LRRC4C: variants seen among roughly 807,000 people sequenced by gnomAD.
LRRC4C encodes leucine-rich repeat-containing protein 4C.
Under a neutral mutation model 33.6 loss-of-function variants are expected in LRRC4C, and 5 were observed. That is an observed-to-expected ratio of 0.15 (90% CI 0.08 to 0.31). The LOEUF (loss-of-function observed/expected upper bound fraction) is 0.31, where lower values mean the gene tolerates loss of function less well. Among genes scored for constraint, LRRC4C ranks in the 10% least tolerant of loss-of-function variants. The pLI is 1.00. For missense variants in LRRC4C, 560 were observed against 796.7 expected (o/e 0.70, Z 3.58); for synonymous variants, 329 against 302.0 (o/e 1.09, Z -0.93).
At chr11:40,958,303 T>C (rs554457170) in intron 1 of LRRC4C, among the ~76,000 whole-genome samples, 2 of 151,874 alleles carry the variant, frequency 1.3e-5, no homozygotes, top group Admixed American at 6.6e-5. Context: ...AACTGTAAAA[T>C]AGGGATGATG....
intron 2 of LRRC4C, among the ~76,000 whole-genome samples, chr11:40,816,091 A>G (rs1041554735): frequency 1.3e-5 from 2 of 152,184 alleles, no homozygotes; most frequent in Non-Finnish European, 2.9e-5. Context: ...ACCTGGGTCC[A>G]CCTGGTAAAG....
chr11:40,466,138 T>G (rs1397864930), intron 3 of LRRC4C, among the ~76,000 whole-genome samples: 2 of 152,046 alleles, frequency 1.3e-5, no homozygotes, highest in Admixed American at 1.3e-4. Context: ...TGGAGGCTAT[T>G]ATCCTAAGTG....
chr11:41,412,327 A>G (rs903483734), intron 1 of LRRC4C, among the ~76,000 whole-genome samples: 3 of 152,110 alleles, frequency 2.0e-5, no homozygotes, highest in Non-Finnish European at 4.4e-5. Flanking sequence ...GGGTCTTTAG[A>G]GATTAGGTGA....
At chr11:40,233,749 A>T (rs1865364408) in intron 5 of LRRC4C, among the ~76,000 whole-genome samples, 1 of 152,194 alleles carries the variant, frequency 6.6e-6, no homozygotes, top group Non-Finnish European at 1.5e-5. Context: ...CAAGAGTTTT[A>T]AAAATAATTG....
At chr11:41,273,769 T>A (rs569844540) in intron 1 of LRRC4C, among the ~76,000 whole-genome samples, 1 of 152,056 alleles carries the variant, frequency 6.6e-6, no homozygotes, top group African/African-American at 2.4e-5. Flanking sequence ...AAACAAAACA[T>A]AAGGAAATTT....
At chr11:40,178,974 A>G (rs921794502) in intron 5 of LRRC4C, among the ~76,000 whole-genome samples, 3 of 151,044 alleles carry the variant, frequency 2.0e-5, no homozygotes, top group Non-Finnish European at 2.9e-5. Flanking sequence ...TCACACTTGA[A>G]AAGCTATCCC....
rs1437017516 is a variant in LRRC4C, at chr11:41,070,583, C to A, written c.-495-136860G>T. Among the ~76,000 whole-genome samples, 8 of 151,908 alleles carry A rather than the reference C, an allele frequency of 5.3e-5. 1 individual carries two copies. In the East Asian group the frequency reaches 1.6e-3, roughly 29 times the overall value. On this transcript the variant is annotated intron_variant, in intron 1 of 6. Transcript: ENST00000528697. ...AACAAATGTACAATAACAACAACAA[C>A]AAACCATCAAAAAGTGGGTAAAGGA...
At chr11:41,021,932 G>A (rs116597427) in intron 1 of LRRC4C, among the ~76,000 whole-genome samples, 146 of 151,864 alleles carry the variant, frequency 9.6e-4, no homozygotes, top group African/African-American at 2.9e-3. Flanking sequence ...GCTTCCTTGC[G>A]TCAATACTTT....
chr11:40,309,034 C>T (rs1006934188), intron 4 of LRRC4C, among the ~76,000 whole-genome samples: 11 of 152,334 alleles, frequency 7.2e-5, no homozygotes, highest in African/African-American at 1.9e-4. Context: ...TGAGCCCTCA[C>T]CAGAGTCACC....
intron 2 of LRRC4C, among the ~76,000 whole-genome samples, chr11:40,876,873 A>C (rs1207977706): frequency 6.8e-6 from 1 of 146,902 alleles, no homozygotes; most frequent in Non-Finnish European, 1.5e-5. Flanking sequence ...ACTGCACTGC[A>C]GCCTGGCAAC....
At chr11:41,279,428 A>ACCCCCCC (rs1555134481) in intron 1 of LRRC4C, among the ~76,000 whole-genome samples, 9 of 140,886 alleles carry the variant, frequency 6.4e-5, no homozygotes, top group East Asian at 2.2e-4. Flanking sequence ...ACACACACAC[A>ACCCCCCC]CCGTGGCAAT....
chr11:41,166,277 A>T (rs1565443750), intron 1 of LRRC4C, among the ~76,000 whole-genome samples: 1 of 152,176 alleles, frequency 6.6e-6, no homozygotes, highest in Non-Finnish European at 1.5e-5. Flanking sequence ...ACAACCACAC[A>T]TATTTAACTG....
At chr11:41,180,712 T>A in intron 1 of LRRC4C, among the ~76,000 whole-genome samples, 1 of 152,156 alleles carries the variant, frequency 6.6e-6, no homozygotes, top group Non-Finnish European at 1.5e-5. Flanking sequence ...TGAGCTGGTG[T>A]CTCATGGTAT....
At chr11:40,142,042 G>A (rs374715953) in intron 5 of LRRC4C, among the ~76,000 whole-genome samples, 14 of 151,948 alleles carry the variant, frequency 9.2e-5, no homozygotes, top group African/African-American at 2.4e-4. Flanking sequence ...CAGCACTCTC[G>A]GAGGCCGAGG....
intron 1 of LRRC4C, among the ~76,000 whole-genome samples, chr11:41,227,533 C>G (rs1947596132): frequency 6.6e-6 from 1 of 152,060 alleles, no homozygotes. Context: ...GAGACAGGGT[C>G]TTGCTCTGTG....
intron 3 of LRRC4C, among the ~76,000 whole-genome samples, chr11:40,403,775 C>T (rs779239330): frequency 1.1e-4 from 17 of 151,948 alleles, no homozygotes; most frequent in Non-Finnish European, 2.4e-4. Flanking sequence ...AGAAAAAGAA[C>T]ATTGGAGTTG....
chr11:40,971,909 G>T (rs182125214), intron 1 of LRRC4C, among the ~76,000 whole-genome samples: 56 of 152,292 alleles, frequency 3.7e-4, no homozygotes, highest in Middle Eastern at 6.8e-3. Flanking sequence ...TCAGACTTGC[G>T]TGGGGCCTGT....
chr11:41,263,640 T>C lies in LRRC4C; in HGVS notation c.-496+195791A>G, dbSNP rs1392736847. On this transcript the variant is annotated intron_variant, in intron 1 of 6. Coordinates refer to ENST00000528697, the MANE Select transcript of LRRC4C (RefSeq NM_001258419.2). ...GAGTTTCTGCTTTGAGTATTTAATA[T>C]TTTTTCAGTTCTTTTCTCCAGGGGA... is the stretch of plus-strand genomic sequence containing the variant. Among the ~76,000 whole-genome samples, 4 of 152,290 alleles carry C rather than the reference T, an allele frequency of 2.6e-5. No homozygotes were observed. In the East Asian group the frequency reaches 7.7e-4, roughly 29 times the overall value.
chr11:41,399,699 T>A (rs1953954578), intron 1 of LRRC4C, among the ~76,000 whole-genome samples: 1 of 151,920 alleles, frequency 6.6e-6, no homozygotes, highest in Non-Finnish European at 1.5e-5. Flanking sequence ...CACTAAGGAT[T>A]TTTTTTCCTT....
Sources: gnomAD v4.1 joint callset for allele counts (sites outside exome capture counted in the v4.1 genomes callset) on GRCh38, gnomAD v4.1.1 for gene constraint, MANE v1.5 for transcripts, NCBI Gene and HGNC (gene_info 2026-07-23, HGNC 2026-07-21) for gene names.